Variants in KDM2B observed in about 807,000 individuals in gnomAD.
KDM2B encodes the protein lysine-specific demethylase 2B.
KDM2B carries 26 observed loss-of-function variants against 150.0 expected under a neutral mutation model. The ratio of observed to expected loss-of-function variants is 0.17; its 90% CI spans 0.13 to 0.24. The LOEUF is 0.24. Among genes scored for constraint, KDM2B ranks in the 10% least tolerant of loss-of-function variants. KDM2B has a pLI of 1.00. For missense variants in KDM2B, 1,265 were observed against 1,816.9 expected (o/e 0.70, Z 5.52); for synonymous variants, 734 against 729.5 (o/e 1.01, Z -0.10).
rs142580095 is a variant in KDM2B, at chr12:121,491,582, C to A, written c.1734+2997G>T. ...CCGAGGTGGGCACATCACCTAAGGT[C>A]AGGAGTTCAAGATCAGCCTGGCCAA... On this transcript the variant is annotated intron_variant, in intron 12 of 22. Coordinates refer to ENST00000377071, the MANE Select transcript of KDM2B (RefSeq NM_032590.5). Among the ~76,000 whole-genome samples the A allele has an allele frequency of 5.9e-3, 892 of 152,066 alleles. 6 individuals are homozygous for A. Among genetic ancestry groups the A allele is most frequent in the Middle Eastern group, 0.037 (11 of 294 alleles).
At chr12:121,483,271 T>A (rs1420085460) in intron 12 of KDM2B, among the ~76,000 whole-genome samples, 2 of 144,522 alleles carry the variant, frequency 1.4e-5, no homozygotes, top group Admixed American at 6.9e-5. Flanking sequence ...TCAAAAAAAA[T>A]TTAAAAATAT....
At chr12:121,443,379 C>T in intron 17 of KDM2B, 1 of 577,842 alleles carries the variant, frequency 1.7e-6, no homozygotes, top group Non-Finnish European at 3.1e-6. Context: ...ATGGCTAGAG[C>T]TGGGAGAGAC....
intron 4 of KDM2B, among the ~76,000 whole-genome samples, chr12:121,558,858 T>G (rs2136204285): frequency 6.6e-6 from 1 of 152,324 alleles, no homozygotes; most frequent in African/African-American, 2.4e-5. Context: ...CTGAAAGTGC[T>G]GGGATTACAG....
chr12:121,491,856 T>C (rs1883400615), intron 12 of KDM2B, among the ~76,000 whole-genome samples: 1 of 149,898 alleles, frequency 6.7e-6, no homozygotes, highest in African/African-American at 2.5e-5. Flanking sequence ...AGAAGAGCAC[T>C]GCTCAATAGA....
rs1180414843 is a variant in KDM2B, at chr12:121,491,528, C to G, written c.1734+3051G>C. 2.0e-5 allele frequency among the ~76,000 whole-genome samples: 3 copies of G among 152,184 alleles called. No homozygotes were observed. In the South Asian group the frequency reaches 6.2e-4, roughly 32 times the overall value. ...TTATTTATGACCGGGCATGGTGGCT[C>G]ACGCCTTTAATTCCAGCACTTTGGG... On this transcript the variant is annotated intron_variant, in intron 12 of 22. Coordinates refer to ENST00000377071, the MANE Select transcript of KDM2B (RefSeq NM_032590.5).
chr12:121,503,842 G>T (rs1884819817), intron 11 of KDM2B, among the ~76,000 whole-genome samples: 1 of 152,232 alleles, frequency 6.6e-6, no homozygotes, highest in African/African-American at 2.4e-5. Context: ...TCACCCAAGG[G>T]TAAGTGCTTC....
rs1316874535 is a variant in KDM2B at position 121,430,609 on chromosome 12, G to GTTAT, written c.3830-144_3830-141dup. The GTTAT allele has an allele frequency of 4.6e-6, 3 of 647,328 alleles. No individual in the cohort carries two copies. The highest frequency in any genetic ancestry group is 3.6e-5 in the African/African-American group (2 of 55,144). The allele number at this position is 647,328 out of a possible 1,614,324, so 40.1% of individuals were successfully genotyped here. A position where few individuals can be genotyped will look rare whatever the true frequency, so the allele number is the denominator to read the frequency against. On this transcript the variant is annotated intron_variant, in intron 22 of 22. Coordinates refer to ENST00000377071, the MANE Select transcript of KDM2B (RefSeq NM_032590.5). The surrounding 1 kb of genome is among the most constrained non-coding windows in gnomAD (Gnocchi z 4.4). ...CCTGCTGTGCTGCACTAAATAAAAT[G>GTTAT]TTATTTGCTTAAAATCTCTCTTCTT...
At chr12:121,523,494 G>A (rs926186675) in intron 8 of KDM2B, among the ~76,000 whole-genome samples, 2 of 152,142 alleles carry the variant, frequency 1.3e-5, no homozygotes, top group South Asian at 2.1e-4. Context: ...AAATTACAGC[G>A]ACTGCCTCTG....
chr12:121,509,900 C>T lies in KDM2B; in HGVS notation c.1314G>A (p.Pro438=), dbSNP rs200559965. The T allele has an allele frequency of 6.8e-6, 11 of 1,613,564 alleles. No individual in the cohort carries two copies. The highest frequency in any genetic ancestry group is 4.5e-5 in the East Asian group (2 of 44,862). ...TGGGTGAAGTGGAGCCATCGGTGGGCGGTTTGGGTGCCCTGTCCCTGCCCT... is the reference window on the plus strand; with the variant it reads ...TGGGTGAAGTGGAGCCATCGGTGGGTGGTTTGGGTGCCCTGTCCCTGCCCT... The part of the protein sequence containing the change: ...EGEGRDRAPK[P]PTDGSTSPTS... The change falls in exon 11 of 23, where the codon CCG becomes CCA. Residue 438 remains proline, a synonymous_variant. Coordinates refer to ENST00000377071, the MANE Select transcript of KDM2B (RefSeq NM_032590.5).
At chr12:121,504,238 T>C (rs1214593863) in intron 11 of KDM2B, among the ~76,000 whole-genome samples, 3 of 152,098 alleles carry the variant, frequency 2.0e-5, no homozygotes, top group African/African-American at 7.2e-5. Context: ...AATTTTTTAT[T>C]TTTTATAGAC....
chr12:121,575,683 G>T lies in KDM2B; in HGVS notation c.350+98C>A. The T allele has an allele frequency of 1.1e-6, 1 of 871,606 alleles. No individual in the cohort carries two copies. The highest frequency in any genetic ancestry group is 2.0e-6 in the Non-Finnish European group (1 of 510,734). 54.0% of individuals were successfully genotyped at this position (871,606 alleles called of 1,614,324 possible). A position where few individuals can be genotyped will look rare whatever the true frequency, so the allele number is the denominator to read the frequency against. On this transcript the variant is annotated intron_variant, in intron 3 of 22. Transcript: ENST00000377071. The surrounding 1 kb of genome is among the most constrained non-coding windows in gnomAD (Gnocchi z 4.4). The stretch of plus-strand genomic sequence containing the variant: ...ATCGTGAAAAAAGATCCTTCTCAGT[G>T]ATGAGAGGTGGGAAGAGGGTGGAAG...
Position 121,520,968 on chromosome 12 carries a change from G to T in KDM2B, c.1047+17C>A. The T allele has an allele frequency of 6.2e-7, 1 of 1,606,420 alleles. No homozygotes were observed. Among genetic ancestry groups the T allele is most frequent in the Non-Finnish European group, 8.5e-7 (1 of 1,173,246 alleles). On this transcript the variant is annotated intron_variant, in intron 9 of 22. Coordinates refer to ENST00000377071, the MANE Select transcript of KDM2B (RefSeq NM_032590.5). This position sits in a 1 kb window ranked among gnomAD's most constrained non-coding sequence, Gnocchi z 4.5. ...GGGGCCAGGCGCGCACGCGAGGACAGAAGGGAACCTCCTTACCCGCGTCCT... is the reference window on the plus strand; with the variant it reads ...GGGGCCAGGCGCGCACGCGAGGACATAAGGGAACCTCCTTACCCGCGTCCT...
chr12:121,413,370 G>A, the KDM2B span, among the ~76,000 whole-genome samples: 2 of 150,120 alleles, frequency 1.3e-5, no homozygotes, highest in African/African-American at 2.5e-5. Flanking sequence ...AGAGTTTGAG[G>A]TATATAATCA....
At position 121,580,822 on chromosome 12, in the gene KDM2B, T is replaced by A; in HGVS notation, c.90A>T (p.Ile30=). The change falls in exon 1 of 23, where the codon ATA becomes ATT. Residue 30 remains isoleucine (I), a synonymous_variant. Coordinates refer to ENST00000377071, the MANE Select transcript of KDM2B (RefSeq NM_032590.5). ...ACTCAAATTCAAAGCATTTTGTATA[T>A]ATAACTGTTTTCTTTTTTTGCTTTT... ...AAEKQKKKTV[I]YTKCFEFESA... The A allele has an allele frequency of 6.2e-7, 1 of 1,614,122 alleles. No homozygotes were observed. Among genetic ancestry groups the A allele is most frequent in the Non-Finnish European group, 8.5e-7 (1 of 1,179,992 alleles).
At chr12:121,417,962 C>T in the KDM2B span, 1 of 1,566,530 alleles carries the variant, frequency 6.4e-7, no homozygotes, top group Non-Finnish European at 8.7e-7. The surrounding 1 kb of genome is among the most constrained non-coding windows in gnomAD (Gnocchi z 5.0). Context: ...TTATTCTTGG[C>T]CGTATATGGT....
chr12:121,435,119 A>T (rs187308648), intron 22 of KDM2B, among the ~76,000 whole-genome samples: 50 of 151,320 alleles, frequency 3.3e-4, no homozygotes, highest in Non-Finnish European at 5.3e-4. Flanking sequence ...GGACTACTTG[A>T]GCCCAGGGGT....
At chr12:121,559,412 A>AC (rs1435123525) in intron 4 of KDM2B, among the ~76,000 whole-genome samples, 2 of 150,812 alleles carry the variant, frequency 1.3e-5, no homozygotes, top group African/African-American at 4.9e-5. Flanking sequence ...GGCTTCACGG[A>AC]CCTCCCCTCC....
chr12:121,461,614 C>T (rs150552605), intron 12 of KDM2B, among the ~76,000 whole-genome samples: 1 of 152,110 alleles, frequency 6.6e-6, no homozygotes, highest in Non-Finnish European at 1.5e-5. Flanking sequence ...TTGAGGTTTC[C>T]GACTTGAGCA....
At chr12:121,431,869 TTTC>T (rs1266342128) in intron 22 of KDM2B, among the ~76,000 whole-genome samples, 2 of 127,288 alleles carry the variant, frequency 1.6e-5, no homozygotes, top group Non-Finnish European at 3.2e-5. Flanking sequence ...CATGGGTTTT[TTTC>T]TTTTTTCTTT....
Sources: allele counts gnomAD v4.1 joint callset (sites outside exome capture counted in the v4.1 genomes callset), GRCh38; gene constraint gnomAD v4.1.1; non-coding constraint Gnocchi (gnomAD v3.1); transcripts MANE v1.5; gene names NCBI Gene and HGNC (gene_info 2026-07-23, HGNC 2026-07-21).